Variants in SLC10A7 observed in about 807,000 individuals in gnomAD.
SLC10A7 encodes the protein solute carrier family 10 member 7, also known as sodium/bile acid cotransporter 7.
A neutral mutation model predicts 43.2 loss-of-function variants in SLC10A7; 29 were observed. The ratio of observed to expected loss-of-function variants is 0.67; its 90% CI spans 0.50 to 0.92. The LOEUF is 0.92. Among genes scored for constraint, SLC10A7 ranks in the 40% least tolerant of loss-of-function variants. The pLI, the probability that SLC10A7 is intolerant of heterozygous loss-of-function variation, is 0.00. For synonymous variants in SLC10A7, 152 were observed against 144.8 expected (o/e 1.05, Z -0.35); for missense variants, 295 against 403.2 (o/e 0.73, Z 2.30).
At position 146,358,073 on chromosome 4, in the gene SLC10A7, CA is replaced by C. The variant is rs57927989; in HGVS notation, c.436-32078del. On this transcript the variant is annotated intron_variant, in intron 5 of 11. Coordinates refer to ENST00000335472, the MANE Select transcript of SLC10A7 (RefSeq NM_001029998.6). ...TGAAAAACCCACAGAAGCACCCCCA[CA>C]AAAAAAAAAAAAGAGCTAGCTTTTG... Among the ~76,000 whole-genome samples, 752 of 133,844 alleles carry C rather than the reference CA, an allele frequency of 5.6e-3. 2 individuals carry two copies. Among genetic ancestry groups the C allele is most frequent in the African/African-American group, 0.013 (464 of 36,934 alleles). The allele number at this position is 133,844 out of a possible 152,430, so 87.8% of individuals were successfully genotyped here.
intron 5 of SLC10A7, among the ~76,000 whole-genome samples, chr4:146,411,510 T>C (rs920497313): frequency 6.6e-6 from 1 of 152,192 alleles, no homozygotes; most frequent in African/African-American, 2.4e-5. Flanking sequence ...CAATTAATAC[T>C]AATGTTTGAA....
chr4:146,266,298 G>C (rs1728546557), intron 10 of SLC10A7, among the ~76,000 whole-genome samples: 1 of 152,090 alleles, frequency 6.6e-6, no homozygotes, highest in Non-Finnish European at 1.5e-5. Flanking sequence ...CATTGGTATA[G>C]ATGGTCCCTT....
chr4:146,479,697 T>C (rs1043410018), intron 4 of SLC10A7, among the ~76,000 whole-genome samples: 6 of 152,164 alleles, frequency 3.9e-5, no homozygotes, highest in Non-Finnish European at 5.9e-5. Context: ...AGATGGATGA[T>C]GGTGGTTACA....
intron 4 of SLC10A7, among the ~76,000 whole-genome samples, chr4:146,453,072 A>G (rs1210322080): frequency 6.6e-6 from 1 of 151,840 alleles, no homozygotes; most frequent in Non-Finnish European, 1.5e-5. Flanking sequence ...CTTCAAGTTA[A>G]GAGTGAATGT....
intron 4 of SLC10A7, among the ~76,000 whole-genome samples, chr4:146,484,897 CTTCCT>C (rs1190851623): frequency 6.6e-6 from 1 of 152,118 alleles, no homozygotes; most frequent in Non-Finnish European, 1.5e-5. Flanking sequence ...AACAAATTAA[CTTCCT>C]TTATTTCCTT....
At chr4:146,305,462 A>G (rs1731492885) in intron 7 of SLC10A7, among the ~76,000 whole-genome samples, 1 of 150,546 alleles carries the variant, frequency 6.6e-6, no homozygotes, top group Non-Finnish European at 1.5e-5. Flanking sequence ...ATTGGGAGAT[A>G]TACCTAATGC....
intron 4 of SLC10A7, among the ~76,000 whole-genome samples, chr4:146,471,465 A>T (rs1733565762): frequency 6.6e-6 from 1 of 152,154 alleles, no homozygotes; most frequent in Admixed American, 6.5e-5. Context: ...TAAGTTAGAC[A>T]ATGTCTATCT....
intron 5 of SLC10A7, among the ~76,000 whole-genome samples, chr4:146,330,276 T>C (rs192246134): frequency 4.7e-4 from 72 of 152,218 alleles, no homozygotes; most frequent in Middle Eastern, 3.4e-3. Context: ...CTCTCAGCAA[T>C]AGGACATGCA....
intron 3 of SLC10A7, 70 bp from the exon 4 acceptor site, chr4:146,503,994 TA>T: frequency 7.8e-7 from 1 of 1,286,758 alleles, no homozygotes; most frequent in Non-Finnish European, 1.1e-6. Flanking sequence ...ACATTCATTC[TA>T]AAATAGCAAG....
At chr4:146,376,448 C>T (rs1046245687) in intron 5 of SLC10A7, among the ~76,000 whole-genome samples, 6 of 152,056 alleles carry the variant, frequency 3.9e-5, no homozygotes, top group Admixed American at 3.9e-4. Flanking sequence ...ACCACACCCC[C>T]CATCCTATAC....
At chr4:146,261,657 A>G (rs1479656556) in intron 10 of SLC10A7, among the ~76,000 whole-genome samples, 9 of 152,190 alleles carry the variant, frequency 5.9e-5, no homozygotes, top group Admixed American at 2.6e-4. Context: ...AAATTTGTCA[A>G]ATTAAATAGG....
At chr4:146,503,750 T>G in intron 4 of SLC10A7, 99 bp downstream of exon 4, 1 of 1,082,868 alleles carries the variant, frequency 9.2e-7, no homozygotes, top group Non-Finnish European at 1.4e-6. Context: ...GCTAGGAGTT[T>G]TCTGCAACAT....
At chr4:146,334,110 A>G (rs1389015757) in intron 5 of SLC10A7, among the ~76,000 whole-genome samples, 1 of 152,080 alleles carries the variant, frequency 6.6e-6, no homozygotes, top group East Asian at 1.9e-4. Flanking sequence ...AGAGCCAATT[A>G]CTGAGCCAGA....
At chr4:146,307,591 A>G (rs1731671434) in intron 6 of SLC10A7, among the ~76,000 whole-genome samples, 3 of 152,212 alleles carry the variant, frequency 2.0e-5, no homozygotes, top group African/African-American at 7.2e-5. Flanking sequence ...AGAAAAAAAT[A>G]TATTTTACTG....
At chr4:146,435,396 G>GTC (rs1370515317) in intron 5 of SLC10A7, among the ~76,000 whole-genome samples, 9 of 152,064 alleles carry the variant, frequency 5.9e-5, no homozygotes, top group Non-Finnish European at 1.2e-4. Context: ...TGGTAGTGGG[G>GTC]TCTCAGTCAA....
intron 7 of SLC10A7, among the ~76,000 whole-genome samples, chr4:146,305,376 G>A (rs1240305793): frequency 1.2e-4 from 17 of 146,980 alleles, no homozygotes; most frequent in Non-Finnish European, 2.2e-4. Flanking sequence ...ATTGAACAAT[G>A]AGATCACATG....
At position 146,488,592 on chromosome 4, in the gene SLC10A7, T is replaced by A. The variant is rs1256639258; in HGVS notation, c.396+15257A>T. 3.3e-5 allele frequency among the ~76,000 whole-genome samples: 5 copies of A among 152,214 alleles called. No individual in the cohort carries two copies. The East Asian group carries it at 7.7e-4, about 23-fold the overall frequency. ...TAAAAATGCACTATTAGCCCTTTAG[T>A]AGTATTTTATTTTCTTCCAGACCAG... is the stretch of plus-strand genomic sequence containing the variant. On this transcript the variant is annotated intron_variant, in intron 4 of 11. Coordinates refer to ENST00000335472, the MANE Select transcript of SLC10A7 (RefSeq NM_001029998.6).
At chr4:146,269,895 G>A (rs972269810) in intron 10 of SLC10A7, among the ~76,000 whole-genome samples, 1 of 152,178 alleles carries the variant, frequency 6.6e-6, no homozygotes, top group African/African-American at 2.4e-5. Flanking sequence ...TGAGTAGGCT[G>A]TGACCCAAAT....
At chr4:146,261,822 C>G (rs1186038020) in intron 10 of SLC10A7, among the ~76,000 whole-genome samples, 1 of 152,186 alleles carries the variant, frequency 6.6e-6, no homozygotes, top group African/African-American at 2.4e-5. Context: ...TGGTCCAAGT[C>G]TCTTTCATGT....
Sources: allele counts gnomAD v4.1 joint callset (sites outside exome capture counted in the v4.1 genomes callset), GRCh38; gene constraint gnomAD v4.1.1; transcripts MANE v1.5; gene names NCBI Gene and HGNC (gene_info 2026-07-23, HGNC 2026-07-21).